The following CCT8 variants were observed in gnomAD, a reference collection of about 807,000 sequenced individuals.
The protein encoded by CCT8 is chaperonin containing TCP1 subunit 8.
In CCT8, 10 loss-of-function variants were observed where a neutral mutation model predicts 65.7. That is an observed-to-expected ratio of 0.15 (90% CI 0.09 to 0.26). The LOEUF is 0.26. Among genes scored for constraint, CCT8 ranks in the 10% least tolerant of loss-of-function variants. The pLI is 1.00. For missense variants in CCT8, 568 were observed against 669.1 expected, an observed-to-expected ratio of 0.85 and a Z score of 1.67; for synonymous variants, 199 against 221.8, an observed-to-expected ratio of 0.90 and a Z score of 0.92.
At chr21:29,057,723 A>ATATATGTATGATATATATATCATG (rs1568907638) in intron 14 of CCT8, among the ~76,000 whole-genome samples, 19 of 86,580 alleles carry the variant, frequency 2.2e-4, no homozygotes, top group African/African-American at 5.9e-4. Flanking sequence ...TATATCATAC[A>ATATATGTATGATATATATATCATG]TATATGTATG....
At chr21:29,061,471 T>C (rs1005812210) in intron 12 of CCT8, 25 bp downstream of exon 12, 3 of 1,613,482 alleles carry the variant, frequency 1.9e-6, no homozygotes, top group African/African-American at 2.7e-5. Flanking sequence ...GGAAAGAAAG[T>C]CAATTTATAC....
At chr21:29,071,833 C>A in intron 1 of CCT8, 1 of 651,740 alleles carries the variant, frequency 1.5e-6, no homozygotes, top group South Asian at 1.7e-5. Flanking sequence ...TCCCCTCATT[C>A]CCATACTTAA....
At chr21:29,061,698 C>A in intron 11 of CCT8, 131 bp from the exon 12 acceptor site, 1 of 894,730 alleles carries the variant, frequency 1.1e-6, no homozygotes, top group Non-Finnish European at 1.7e-6. Context: ...CATTGTTACT[C>A]AAATACATAT....
intron 7 of CCT8, among the ~76,000 whole-genome samples, chr21:29,064,427 A>AAAAAAAAAAAAAAAAAAAAAAAT (rs2085598433): frequency 6.7e-6 from 1 of 149,974 alleles, no homozygotes; most frequent in Non-Finnish European, 1.5e-5. Flanking sequence ...AAAAAAAAAA[A>AAAAAAAAAAAAAAAAAAAAAAAT]AAAAAAAAAG....
At chr21:29,070,482 A>C (rs1395730059) in intron 1 of CCT8, 145 bp from the exon 2 acceptor site, 3 of 488,238 alleles carry the variant, frequency 6.1e-6, no homozygotes, top group Non-Finnish European at 7.2e-6. Flanking sequence ...GGCTGGTTGC[A>C]AATCTTAGCT....
chr21:29,067,944 G>C (rs1039436584), intron 3 of CCT8, among the ~76,000 whole-genome samples: 10 of 152,198 alleles, frequency 6.6e-5, no homozygotes, highest in African/African-American at 2.2e-4. Context: ...TCCTCTTTTG[G>C]TGGCCTGCAC....
Position 29,069,481 on chromosome 21 carries a change from T to C in CCT8, c.173A>G (p.Asn58Ser), listed in dbSNP as rs758246928. ...TGTCACAAACAACTTCTCCAAGTGG[T>C]TGATAACCATTTTGTTCATTCCTCA... is the stretch of plus-strand genomic sequence containing the variant. ...GPNGMNKMVI[N>S]HLEKLFVTND... The change falls in exon 3 of 15, where the codon AAC becomes AGC. Residue 58 changes from asparagine (N) to serine (S), a missense_variant. By Grantham distance (46) the Asn-to-Ser change is conservative (BLOSUM62 1). Transcript: ENST00000286788. 1.3e-6 allele frequency: 2 copies of C among 1,573,490 alleles called. No individual in the cohort carries two copies. The highest frequency in any genetic ancestry group is 1.9e-5 in the Admixed American group (1 of 53,892).
Position 29,066,891 on chromosome 21 carries a change from C to T in CCT8, c.562G>A (p.Val188Ile), listed in dbSNP as rs137862783. The change falls in exon 5 of 15, where the codon GTA becomes ATA. Residue 188 changes from valine (V) to isoleucine (I), a missense_variant and splice_region_variant. Physicochemically the swap from Val to Ile is conservative, Grantham distance 29 (BLOSUM62 3). Transcript: ENST00000286788. ...FLAKLIAQAC[V>I]SIFPDSGHFN... ...TTTTCATTTACTGATATTTACTTACCGCATGCCTGAGCAATAAGCTTGGCC... is the reference window on the plus strand; with the variant it reads ...TTTTCATTTACTGATATTTACTTACTGCATGCCTGAGCAATAAGCTTGGCC... The T allele has an allele frequency of 1.9e-5, 31 of 1,602,864 alleles. No homozygotes were observed. The highest frequency in any genetic ancestry group is 2.5e-5 in the Non-Finnish European group (29 of 1,172,412).
Position 29,069,432 on chromosome 21 carries a change from TC to T in CCT8, c.221del (p.Arg74LysfsTer3), listed in dbSNP as rs2085658347. The T allele has an allele frequency of 6.4e-7, 1 of 1,570,438 alleles. No homozygotes were observed. Among genetic ancestry groups the T allele is most frequent in the African/African-American group, 1.4e-5 (1 of 72,836 alleles). On this transcript the variant is annotated frameshift_variant, in exon 3 of 15. Coordinates refer to ENST00000286788, the MANE Select transcript of CCT8 (RefSeq NM_006585.4). LOFTEE classifies it high-confidence loss of function. Reference protein sequence around the residue: ...FVTNDAATILRELEVQHPAAK... With the variant: ...FVTNDAATILXELEVQHPAAK... ...TAAAGAAACAACTTACTTCTAGTTC[TC>T]TTAAAATAGTTGCTGCATCGTTTGT... is the stretch of plus-strand genomic sequence containing the variant.
rs201443482 is a variant in CCT8 at position 29,057,775 on chromosome 21, TATATATGAG to T, written c.1570-1232_1570-1224del. ...TATGTATGATATGAGATATATATGA[TATATATGAG>T]ATATGTATGATATATACATATGTAT... On this transcript the variant is annotated intron_variant, in intron 14 of 14. Coordinates refer to ENST00000286788, the MANE Select transcript of CCT8 (RefSeq NM_006585.4). 2.7e-3 allele frequency among the ~76,000 whole-genome samples: 386 copies of T among 145,200 alleles called. 1 individual carries two copies. The highest frequency in any genetic ancestry group is 9.9e-3 in the African/African-American group (370 of 37,388).
intron 14 of CCT8, chr21:29,059,921 T>C (rs2085544435): frequency 2.6e-5 from 4 of 152,242 alleles, no homozygotes; most frequent in Admixed American, 1.3e-4. Context: ...CTCTAGCAAA[T>C]TAAAATTTTC....
At chr21:29,056,674 TA>T in intron 14 of CCT8, 122 bp from the exon 15 acceptor site, 1 of 486,408 alleles carries the variant, frequency 2.1e-6, no homozygotes, top group Non-Finnish European at 3.5e-6. Context: ...GTACTGCATA[TA>T]AAACACTACA....
At chr21:29,071,428 G>T (rs1379758996) in intron 1 of CCT8, among the ~76,000 whole-genome samples, 1 of 151,804 alleles carries the variant, frequency 6.6e-6, no homozygotes, top group Non-Finnish European at 1.5e-5. Context: ...TATCGCTCAG[G>T]CTGGAGTGCA....
intron 7 of CCT8, 65 bp from the exon 8 acceptor site, chr21:29,063,595 A>G (rs2085587997): frequency 2.0e-6 from 3 of 1,495,276 alleles, no homozygotes; most frequent in East Asian, 4.5e-5. Context: ...AAGTCATTAG[A>G]TAATAGTTGA....
At chr21:29,068,550 C>G (rs1268952923) in intron 3 of CCT8, among the ~76,000 whole-genome samples, 6 of 152,048 alleles carry the variant, frequency 3.9e-5, no homozygotes, top group African/African-American at 1.4e-4. Context: ...ACCTCCGCCT[C>G]CCAGGTTCAA....
At position 29,067,533 on chromosome 21, in the gene CCT8, G is replaced by A. The variant is rs369096061; in HGVS notation, c.381+23C>T. ...ATATGTAAGCAAAAATTTAGTAGGA[G>A]TAAATTATAAATGAACACTTGCCTC... On this transcript the variant is annotated intron_variant, in intron 4 of 14. Coordinates refer to ENST00000286788, the MANE Select transcript of CCT8 (RefSeq NM_006585.4). 8 of 1,432,848 alleles carry A rather than the reference G, an allele frequency of 5.6e-6. No homozygotes were observed. In the African/African-American group the frequency reaches 8.9e-5, roughly 16 times the overall value. 88.8% of individuals were successfully genotyped at this position (1,432,848 alleles called of 1,614,324 possible).
intron 7 of CCT8, among the ~76,000 whole-genome samples, chr21:29,064,418 A>C (rs1198298909): frequency 6.7e-6 from 1 of 148,918 alleles, no homozygotes; most frequent in Admixed American, 6.7e-5. Context: ...CTAAAAAAAA[A>C]AAAAAAAAAA....
At chr21:29,071,895 C>G in intron 1 of CCT8, 2 of 695,902 alleles carry the variant, frequency 2.9e-6, no homozygotes, top group South Asian at 1.5e-5. Context: ...AATCCCTTTT[C>G]AAGGAAACAA....
intron 1 of CCT8, among the ~76,000 whole-genome samples, chr21:29,072,768 A>G (rs1218010817): frequency 6.6e-6 from 1 of 152,256 alleles, no homozygotes. Flanking sequence ...TCAATAGTGC[A>G]GTAAGATATT....
Sources: allele counts gnomAD v4.1 joint callset (sites outside exome capture counted in the v4.1 genomes callset), GRCh38; gene constraint gnomAD v4.1.1; transcripts MANE v1.5; gene names NCBI Gene and HGNC (gene_info 2026-07-23, HGNC 2026-07-21).